ADAMTSL2: variants seen among roughly 807,000 people sequenced by gnomAD.
ADAMTSL2 encodes ADAMTS like 2.
Under a neutral mutation model 117.0 loss-of-function variants are expected in ADAMTSL2, and 55 were observed. The ratio of observed to expected loss-of-function variants is 0.47; its 90% CI spans 0.38 to 0.59. ADAMTSL2 has a LOEUF of 0.59. Among genes scored for constraint, ADAMTSL2 ranks in the 20% least tolerant of loss-of-function variants. ADAMTSL2 has a pLI of 0.00. For synonymous variants in ADAMTSL2, 572 were observed against 566.4 expected (o/e 1.01, Z -0.14); for missense variants, 1,182 against 1,354.5 (o/e 0.87, Z 2.00).
At chr9:133,565,692 G>GA (rs1463169762) in intron 12 of ADAMTSL2, among the ~76,000 whole-genome samples, 7 of 152,244 alleles carry the variant, frequency 4.6e-5, no homozygotes, top group Non-Finnish European at 8.8e-5. Flanking sequence ...GGAGAGGCAG[G>GA]AGCCGCTGGC....
chr9:133,567,251 T>G (rs1415417420), intron 13 of ADAMTSL2, among the ~76,000 whole-genome samples, 189 bp downstream of exon 13: 1 of 152,240 alleles, frequency 6.6e-6, no homozygotes, highest in Non-Finnish European at 1.5e-5. Flanking sequence ...GAGTTGCAAT[T>G]TAATCTGTCA....
At chr9:133,544,969 G>A (rs940037810) in intron 8 of ADAMTSL2, among the ~76,000 whole-genome samples, 1 of 151,064 alleles carries the variant, frequency 6.6e-6, no homozygotes, top group Non-Finnish European at 1.5e-5. Flanking sequence ...TCCGACTCAG[G>A]TCTGGGGTCT....
chr9:133,534,616 C>G, upstream of ADAMTSL2: 3 of 1,273,790 alleles, frequency 2.4e-6, no homozygotes, highest in Non-Finnish European at 3.0e-6. Context: ...CCGGCCGGCG[C>G]GGGCGGGGGA....
Position 133,555,593 on chromosome 9 carries a change from A to G in ADAMTSL2, c.1312A>G (p.Lys438Glu). 6.2e-7 allele frequency: 1 copy of G among 1,613,240 alleles called. No homozygotes were observed. Among genetic ancestry groups the G allele is most frequent in the Non-Finnish European group, 8.5e-7 (1 of 1,180,038 alleles). The change falls in exon 11 of 19, where the codon AAG becomes GAG. Residue 438 changes from lysine to glutamate, a missense_variant. By Grantham distance (56) the Lys-to-Glu change is moderately conservative. Around this residue, in one of 3 missense-constraint regions of ADAMTSL2, gnomAD observed 345 missense variants for 325.8 expected, o/e 1.06. Coordinates refer to ENST00000651351, the MANE Select transcript of ADAMTSL2 (RefSeq NM_014694.4). ...NVTGTPLTGDKDDEEVDTHFA... is the reference protein window; with the variant it reads ...NVTGTPLTGDEDDEEVDTHFA... Reference sequence around the variant, plus strand: ...CACGGGGACTCCTCTCACCGGGGACAAGGATGACGAAGAGGTTGACACCCA... The same window carrying G: ...CACGGGGACTCCTCTCACCGGGGACGAGGATGACGAAGAGGTTGACACCCA...
In ADAMTSL2 at chr9:133,569,423, G is replaced by A. The variant is rs993054634; in HGVS notation, c.2260G>A (p.Gly754Arg). 2.8e-5 allele frequency: 45 copies of A among 1,613,416 alleles called. No individual in the cohort carries two copies. Among genetic ancestry groups the A allele is most frequent in the Non-Finnish European group, 3.5e-5 (41 of 1,180,016 alleles). Residue 754 changes from glycine to arginine, a missense_variant, in exon 16 of 19, where the codon GGG becomes AGG. This residue lies in a region of ADAMTSL2 where 465 missense variants were observed against 565.3 expected (regional missense o/e 0.82). Coordinates refer to ENST00000651351, the MANE Select transcript of ADAMTSL2 (RefSeq NM_014694.4). ...TCCCCTGCAGTGCAGTGGAAGCTGC[G>A]GGCAAGGCCGCACCATCAGGCACGT... ...SDWGPCSGSC[G>R]QGRTIRHVYC...
intron 8 of ADAMTSL2, among the ~76,000 whole-genome samples, chr9:133,545,748 A>T (rs1032138211): frequency 2.6e-5 from 4 of 152,196 alleles, no homozygotes; most frequent in African/African-American, 9.6e-5. Context: ...GGCTCGGAGC[A>T]CTGGGAAAGC....
At chr9:133,536,459 A>T in intron 1 of ADAMTSL2, 104 bp from the exon 2 acceptor site, 1 of 1,449,100 alleles carries the variant, frequency 6.9e-7, no homozygotes. Context: ...CTTAGCACGC[A>T]CACCGCCGCT....
intron 12 of ADAMTSL2, among the ~76,000 whole-genome samples, chr9:133,563,335 G>T (rs1830792246): frequency 6.6e-6 from 1 of 152,260 alleles, no homozygotes; most frequent in Admixed American, 6.5e-5. Context: ...TGGTGGTGGG[G>T]TGTCAGCAGG....
intron 9 of ADAMTSL2, among the ~76,000 whole-genome samples, chr9:133,550,993 C>A (rs774469368): frequency 1.3e-5 from 2 of 152,164 alleles, no homozygotes; most frequent in Non-Finnish European, 2.9e-5. Flanking sequence ...ACCTCCTGGT[C>A]CCCAACCTTC....
intron 1 of ADAMTSL2, among the ~76,000 whole-genome samples, chr9:133,535,589 G>A (rs1375473681): frequency 6.6e-6 from 1 of 152,158 alleles, no homozygotes; most frequent in African/African-American, 2.4e-5. Context: ...GGGGTGAGGG[G>A]TGACCTCCAT....
At chr9:133,560,005 C>T (rs1830690258) in intron 11 of ADAMTSL2, among the ~76,000 whole-genome samples, 1 of 152,204 alleles carries the variant, frequency 6.6e-6, no homozygotes, top group Non-Finnish European at 1.5e-5. Context: ...CATTCCAGTC[C>T]AAGCAAAACA....
rs1004159233 is a variant in ADAMTSL2 at position 133,554,805 on chromosome 9, A to T, written c.1276+112A>T. 97 of 973,832 alleles carry T rather than the reference A, an allele frequency of 1.0e-4. No individual in the cohort carries two copies. In the African/African-American group the frequency reaches 1.5e-3, roughly 15 times the overall value. The allele number at this position is 973,832 out of a possible 1,614,324, so 60.3% of individuals were successfully genotyped here. On this transcript the variant is annotated intron_variant, in intron 10 of 18. Coordinates refer to ENST00000651351, the MANE Select transcript of ADAMTSL2 (RefSeq NM_014694.4). The surrounding 1 kb of genome is among the most constrained non-coding windows in gnomAD (Gnocchi z 5.2). ...CAGACCTGCAGAGGAGGTTCCTAAG[A>T]GCTGCCAGCTACCTGCAGATGTCCT...
rs769371071 is a variant in ADAMTSL2 at position 133,547,091 on chromosome 9, A to G, written c.817A>G (p.Ser273Gly). Residue 273 changes from serine (S) to glycine (G), a missense_variant, in exon 9 of 19, where the codon AGC (serine) becomes GGC (glycine). Around this residue, in one of 3 missense-constraint regions of ADAMTSL2, gnomAD observed 372 missense variants for 463.4 expected, o/e 0.80. Transcript: ENST00000651351. ...CTTCAACGGCAACTACAAGGTGGAC[A>G]GCCCCAAGAACTTCAACATCGCAGG... ...YFFNGNYKVD[S>G]PKNFNIAGTV... The G allele has an allele frequency of 9.3e-6, 15 of 1,613,914 alleles. No homozygotes were observed. The highest frequency in any genetic ancestry group is 1.3e-5 in the Non-Finnish European group (15 of 1,179,800).
chr9:133,540,367 C>T (rs1007450343), intron 5 of ADAMTSL2, among the ~76,000 whole-genome samples: 3 of 152,232 alleles, frequency 2.0e-5, no homozygotes, highest in Non-Finnish European at 2.9e-5. Flanking sequence ...GGGTCTCAGG[C>T]GCTGCTCCCC....
chr9:133,552,607 C>T (rs1238089783), intron 9 of ADAMTSL2, among the ~76,000 whole-genome samples: 1 of 152,202 alleles, frequency 6.6e-6, no homozygotes, highest in Non-Finnish European at 1.5e-5. Flanking sequence ...AACATATTTT[C>T]CAGATCAGTG....
At chr9:133,545,068 T>C (rs1830316603) in intron 8 of ADAMTSL2, among the ~76,000 whole-genome samples, 1 of 152,144 alleles carries the variant, frequency 6.6e-6, no homozygotes, top group Non-Finnish European at 1.5e-5. Flanking sequence ...CTGGAGTTGT[T>C]TCCATGATGG....
At chr9:133,571,603 C>A (rs1180477369) in intron 17 of ADAMTSL2, among the ~76,000 whole-genome samples, 1 of 152,196 alleles carries the variant, frequency 6.6e-6, no homozygotes, top group Non-Finnish European at 1.5e-5. Context: ...GCCTTCTGGG[C>A]CCCACGGAGG....
intron 1 of ADAMTSL2, among the ~76,000 whole-genome samples, chr9:133,535,271 G>A (rs2131084735): frequency 1.3e-5 from 2 of 152,198 alleles, no homozygotes; most frequent in East Asian, 3.9e-4. Flanking sequence ...CCTGTCTTCA[G>A]CCGGCAGGCA....
At chr9:133,547,304 G>C in intron 9 of ADAMTSL2, 91 bp downstream of exon 9, 1 of 1,326,132 alleles carries the variant, frequency 7.5e-7, no homozygotes, top group Non-Finnish European at 1.0e-6. Context: ...AGCCCGTGAC[G>C]CCCCCAGGGC....
Sources: allele counts gnomAD v4.1 joint callset (sites outside exome capture counted in the v4.1 genomes callset), GRCh38; gene constraint gnomAD v4.1.1; regional missense constraint gnomAD v4.1.1; non-coding constraint Gnocchi (gnomAD v3.1); transcripts MANE v1.5; gene names NCBI Gene and HGNC (gene_info 2026-07-23, HGNC 2026-07-21).